PCDH7: variants seen among roughly 807,000 people sequenced by gnomAD.
PCDH7 encodes the protein protocadherin 7, also known as protocadherin-7.
In PCDH7, 17 loss-of-function variants were observed where a neutral mutation model predicts 58.9. The observed-to-expected ratio is 0.29, with a 90% CI of 0.20 to 0.43. The LOEUF is 0.43. PCDH7 is among the 20% of genes least tolerant of loss of function. The pLI is 1.00. For missense variants in PCDH7, 1,274 were observed against 1,441.0 expected, an observed-to-expected ratio of 0.88 and a Z score of 1.88; for synonymous variants, 664 against 616.4, an observed-to-expected ratio of 1.08 and a Z score of -1.14.
At chr4:30,949,115 G>A (rs1025556496) in intron 2 of PCDH7, among the ~76,000 whole-genome samples, 4 of 152,048 alleles carry the variant, frequency 2.6e-5, no homozygotes, top group African/African-American at 7.2e-5. Context: ...ACATATTTGT[G>A]TATGAAGTCA....
intron 2 of PCDH7, among the ~76,000 whole-genome samples, chr4:30,942,686 C>T (rs1746182902): frequency 1.3e-5 from 2 of 152,020 alleles, no homozygotes; most frequent in South Asian, 4.1e-4. Context: ...TTATGAGTAA[C>T]CCAGGTTAAG....
At chr4:31,063,435 A>G (rs1233773133) in intron 3 of PCDH7, among the ~76,000 whole-genome samples, 1 of 151,842 alleles carries the variant, frequency 6.6e-6, no homozygotes, top group Non-Finnish European at 1.5e-5. Flanking sequence ...GCATGCTATC[A>G]TACATGCTTT....
At chr4:31,000,683 C>T (rs1237470619) in intron 3 of PCDH7, among the ~76,000 whole-genome samples, 1 of 152,006 alleles carries the variant, frequency 6.6e-6, no homozygotes, top group Admixed American at 6.6e-5. Context: ...CCTTGCCTTT[C>T]TTCTTTCCTT....
chr4:30,762,015 G>T (rs561989068), intron 1 of PCDH7, among the ~76,000 whole-genome samples: 1 of 152,082 alleles, frequency 6.6e-6, no homozygotes, highest in African/African-American at 2.4e-5. Context: ...TTTCTCCAAT[G>T]TTAAAGTCTT....
chr4:31,105,630 T>TTG (rs2109305166), intron 3 of PCDH7, among the ~76,000 whole-genome samples: 1 of 152,172 alleles, frequency 6.6e-6, no homozygotes, highest in East Asian at 1.9e-4. Flanking sequence ...GTGTGTGTGC[T>TTG]TGTGTGTGTG....
intron 1 of PCDH7, among the ~76,000 whole-genome samples, chr4:30,748,211 TG>T (rs1252329833): frequency 1.3e-5 from 2 of 152,192 alleles, no homozygotes; most frequent in African/African-American, 4.8e-5. Flanking sequence ...TTGTTGGATG[TG>T]ATCTAACTGA....
intron 1 of PCDH7, among the ~76,000 whole-genome samples, chr4:30,843,457 G>A (rs189359841): frequency 6.6e-6 from 1 of 152,266 alleles, no homozygotes; most frequent in Admixed American, 6.5e-5. Context: ...GCCTCCCAAA[G>A]TGCTGGGATT....
intron 1 of PCDH7, among the ~76,000 whole-genome samples, chr4:30,916,201 G>A (rs956521083): frequency 2.0e-5 from 3 of 152,092 alleles, no homozygotes; most frequent in South Asian, 2.1e-4. Flanking sequence ...CTTGCTGTCC[G>A]TTTTCACTGC....
chr4:30,952,171 G>C (rs138476545), intron 3 of PCDH7, among the ~76,000 whole-genome samples: 16 of 152,100 alleles, frequency 1.1e-4, no homozygotes, highest in Admixed American at 9.2e-4. Context: ...ACTACAAACT[G>C]AATCAATATA....
chr4:30,843,615 G>T (rs1731521468), intron 1 of PCDH7, among the ~76,000 whole-genome samples: 1 of 152,070 alleles, frequency 6.6e-6, no homozygotes, highest in Admixed American at 6.6e-5. Flanking sequence ...TTTGCTATTA[G>T]ACATAAAGCA....
intron 1 of PCDH7, among the ~76,000 whole-genome samples, chr4:30,808,155 G>T (rs1055856375): frequency 6.6e-6 from 1 of 152,178 alleles, no homozygotes; most frequent in East Asian, 1.9e-4. Flanking sequence ...TGAACAAACA[G>T]ACTGAAAACA....
At chr4:30,785,724 T>C (rs1414779758) in intron 1 of PCDH7, among the ~76,000 whole-genome samples, 1 of 152,040 alleles carries the variant, frequency 6.6e-6, no homozygotes, top group Non-Finnish European at 1.5e-5. Context: ...ATTAATTTCT[T>C]TTCTAACTTT....
At chr4:30,812,557 T>A (rs1727157286) in intron 1 of PCDH7, among the ~76,000 whole-genome samples, 1 of 152,148 alleles carries the variant, frequency 6.6e-6, no homozygotes, top group African/African-American at 2.4e-5. Context: ...ATACAATTCA[T>A]ATTGATGAAT....
At chr4:30,859,322 G>T (rs557611206) in intron 1 of PCDH7, among the ~76,000 whole-genome samples, 2 of 151,998 alleles carry the variant, frequency 1.3e-5, no homozygotes. Context: ...ATCAGATTAG[G>T]TCAATAATCT....
intron 1 of PCDH7, among the ~76,000 whole-genome samples, chr4:30,882,251 G>GTCTTCA (rs1737073263): frequency 7.2e-6 from 1 of 139,598 alleles, no homozygotes; most frequent in Non-Finnish European, 1.5e-5. Flanking sequence ...CTTCATCTTT[G>GTCTTCA]TCTTCATCTT....
intron 3 of PCDH7, among the ~76,000 whole-genome samples, chr4:30,962,428 T>G (rs1321226154): frequency 1.3e-5 from 2 of 152,148 alleles, no homozygotes; most frequent in Non-Finnish European, 2.9e-5. Flanking sequence ...GTGTACTGTG[T>G]ATGCATGCAA....
At chr4:30,961,315 C>T (rs1748404692) in intron 3 of PCDH7, among the ~76,000 whole-genome samples, 1 of 151,330 alleles carries the variant, frequency 6.6e-6, no homozygotes, top group Admixed American at 6.6e-5. Flanking sequence ...GAGGCCGAGG[C>T]GGGTGGATCA....
At chr4:31,023,137 G>C (rs779638241) in intron 3 of PCDH7, among the ~76,000 whole-genome samples, 9 of 152,182 alleles carry the variant, frequency 5.9e-5, no homozygotes, top group Admixed American at 3.9e-4. Context: ...TAGTGGGCTA[G>C]GCAGTGAGGT....
At chr4:30,839,691 G>A (rs1730964774) in intron 1 of PCDH7, among the ~76,000 whole-genome samples, 1 of 151,984 alleles carries the variant, frequency 6.6e-6, no homozygotes, top group African/African-American at 2.4e-5. Flanking sequence ...CCAGAAAAGA[G>A]CACCATCAAA....
Sources: allele counts gnomAD v4.1 joint callset (sites outside exome capture counted in the v4.1 genomes callset), GRCh38; gene constraint gnomAD v4.1.1; transcripts MANE v1.5; gene names NCBI Gene and HGNC (gene_info 2026-07-23, HGNC 2026-07-21).